The following EPB41 variants were observed in gnomAD, a reference collection of about 807,000 sequenced individuals.
The protein encoded by EPB41 is protein 4.1.
EPB41 carries 65 observed loss-of-function variants against 108.0 expected under a neutral mutation model. The ratio of observed to expected loss-of-function variants is 0.60; its 90% CI spans 0.49 to 0.74. The LOEUF (loss-of-function observed/expected upper bound fraction) is 0.74, where lower values mean the gene tolerates loss of function less well. EPB41 is among the 30% of genes least tolerant of loss of function. The pLI is 0.00. For synonymous variants in EPB41, 336 were observed against 358.9 expected (o/e 0.94, Z 0.72); for missense variants, 875 against 1,037.0 (o/e 0.84, Z 2.15).
At chr1:28,892,093 C>CAAAAA (rs748788169) in intron 1 of EPB41, among the ~76,000 whole-genome samples, 107 of 69,492 alleles carry the variant, frequency 1.5e-3, no homozygotes, top group Non-Finnish European at 1.8e-3. Context: ...GACTGCATCT[C>CAAAAA]AAAAAAAAAA....
At chr1:28,888,323 C>A (rs1006234457) in intron 1 of EPB41, among the ~76,000 whole-genome samples, 2 of 152,288 alleles carry the variant, frequency 1.3e-5, no homozygotes, top group Middle Eastern at 3.4e-3. Flanking sequence ...GCGGGAGGGG[C>A]TGGGGAGGGG....
intron 10 of EPB41, 82 bp downstream of exon 10, chr1:29,036,005 AT>A (rs922622778): frequency 2.7e-5 from 28 of 1,028,474 alleles, no homozygotes; most frequent in South Asian, 9.4e-5. Context: ...AATTCCTTTC[AT>A]TGTATGACTG....
Position 29,115,679 on chromosome 1 carries a change from C to A in EPB41, c.2497-20C>A. The stretch of plus-strand genomic sequence containing the variant: ...TCAGGCTATTTTCTGCCTCATTGCC[C>A]TTGTTTCTGTCTTTTGTAGGTCCTT... On this transcript the variant is annotated intron_variant, in intron 19 of 20. Transcript: ENST00000343067. The surrounding 1 kb of genome is among the most constrained non-coding windows in gnomAD (Gnocchi z 4.4). The A allele has an allele frequency of 6.2e-7, 1 of 1,608,738 alleles. No individual in the cohort carries two copies. Among genetic ancestry groups the A allele is most frequent in the Non-Finnish European group, 8.5e-7 (1 of 1,175,456 alleles).
At chr1:28,946,946 A>G (rs557426113) in intron 1 of EPB41, among the ~76,000 whole-genome samples, 1 of 152,356 alleles carries the variant, frequency 6.6e-6, no homozygotes, top group African/African-American at 2.4e-5. Flanking sequence ...AGAAACCTAC[A>G]TTATGACTGA....
intron 1 of EPB41, among the ~76,000 whole-genome samples, chr1:28,965,440 G>T (rs2095333674): frequency 6.6e-6 from 1 of 152,082 alleles, no homozygotes; most frequent in Non-Finnish European, 1.5e-5. Flanking sequence ...TATTACTTAA[G>T]AGAATAAGGT....
At chr1:29,071,491 A>G (rs553246170) in intron 16 of EPB41, 1 of 152,346 alleles carries the variant, frequency 6.6e-6, no homozygotes, top group South Asian at 2.1e-4. Flanking sequence ...TGCTAGCAGC[A>G]ATAGTTAGCC....
chr1:29,095,713 A>G (rs1048803796), intron 16 of EPB41, among the ~76,000 whole-genome samples: 1 of 151,968 alleles, frequency 6.6e-6, no homozygotes, highest in Admixed American at 6.6e-5. Flanking sequence ...TCAAGGCTGC[A>G]GTGAGCTATG....
In EPB41 at chr1:29,039,296, G is replaced by A. The variant is rs754878061; in HGVS notation, c.1506G>A (p.Ala502=). ...CCATTCCCAAAAGCAAATTTCTTGC[G>A]CTAGGATCCAAATTTCGATACAGTG... ...TDTIPKSKFL[A]LGSKFRYSGR... The change falls in exon 11 of 21, where the codon GCG becomes GCA. Residue 502 remains alanine, a synonymous_variant. Transcript: ENST00000343067. The A allele has an allele frequency of 6.8e-6, 11 of 1,613,940 alleles. No individual in the cohort carries two copies. The highest frequency in any genetic ancestry group is 4.5e-5 in the East Asian group (2 of 44,882).
intron 12 of EPB41, chr1:29,054,533 T>G (rs1009391480): frequency 3.2e-5 from 3 of 94,530 alleles, no homozygotes; most frequent in African/African-American, 1.0e-4. Context: ...GTTTTGATTA[T>G]ATTAAAAAAA....
chr1:28,896,242 T>A (rs531713380), intron 1 of EPB41, among the ~76,000 whole-genome samples: 1 of 152,330 alleles, frequency 6.6e-6, no homozygotes, highest in East Asian at 1.9e-4. Context: ...TTGTTATTAT[T>A]ATAATTATGA....
At chr1:28,922,750 C>T (rs2093189233) in intron 1 of EPB41, among the ~76,000 whole-genome samples, 1 of 151,998 alleles carries the variant, frequency 6.6e-6, no homozygotes. Flanking sequence ...GCCTCAGCCT[C>T]CCAAGTACCT....
At chr1:28,947,671 C>G (rs980865046) in intron 1 of EPB41, among the ~76,000 whole-genome samples, 1 of 151,864 alleles carries the variant, frequency 6.6e-6, no homozygotes, top group Non-Finnish European at 1.5e-5. Context: ...ATCAAAAATA[C>G]AAAAATTAGC....
intron 1 of EPB41, among the ~76,000 whole-genome samples, chr1:28,945,825 G>T (rs898456469): frequency 3.3e-5 from 5 of 152,190 alleles, no homozygotes; most frequent in Non-Finnish European, 7.3e-5. Flanking sequence ...ACAAAATTCT[G>T]TTGGGCTAGC....
chr1:29,064,804 GA>G (rs1245030186), intron 15 of EPB41, among the ~76,000 whole-genome samples, 177 bp from the exon 16 acceptor site: 2 of 151,654 alleles, frequency 1.3e-5, no homozygotes, highest in Non-Finnish European at 2.9e-5. Context: ...TTTATTTAAA[GA>G]AAAAAAAGGC....
In EPB41 at chr1:29,017,244, A is replaced by G. The variant is rs12037807; in HGVS notation, c.906-980A>G. 2.3e-4 allele frequency among the ~76,000 whole-genome samples: 35 copies of G among 152,372 alleles called. No homozygotes were observed. The East Asian group carries it at 6.7e-3, about 29-fold the overall frequency. On this transcript the variant is annotated intron_variant, in intron 6 of 20. Transcript: ENST00000343067. ...GTGCCTTGTTTGGCATTGTTCTGAC[A>G]TTTAAAAAAATGTACGTTATGACTA...
chr1:28,931,211 C>A (rs1404422691), intron 1 of EPB41, among the ~76,000 whole-genome samples: 2 of 151,572 alleles, frequency 1.3e-5, no homozygotes, highest in Non-Finnish European at 2.9e-5. Flanking sequence ...CTAGCCAGGG[C>A]AACATATGAT....
At chr1:29,073,363 A>G (rs1174745974) in intron 16 of EPB41, among the ~76,000 whole-genome samples, 1 of 152,128 alleles carries the variant, frequency 6.6e-6, no homozygotes, top group Non-Finnish European at 1.5e-5. Context: ...TGGTGCCCAG[A>G]TTTCCACCTA....
At chr1:28,906,152 C>G (rs203298) in intron 1 of EPB41, among the ~76,000 whole-genome samples, 18,685 of 152,116 alleles carry the variant, frequency 0.12, 1,585 homozygotes, top group African/African-American at 0.25. Context: ...CTAAAGTGCT[C>G]CCAGTCACCG....
chr1:28,964,088 G>A (rs936881079), intron 1 of EPB41, among the ~76,000 whole-genome samples: 3 of 151,946 alleles, frequency 2.0e-5, no homozygotes, highest in African/African-American at 7.3e-5. Context: ...TCCTGTATCC[G>A]TTCTCTCTCA....
Sources: allele counts gnomAD v4.1 joint callset (sites outside exome capture counted in the v4.1 genomes callset), GRCh38; gene constraint gnomAD v4.1.1; non-coding constraint Gnocchi (gnomAD v3.1); transcripts MANE v1.5; gene names NCBI Gene and HGNC (gene_info 2026-07-23, HGNC 2026-07-21).